The following ITSN1 variants were observed in gnomAD, a reference collection of about 807,000 sequenced individuals.
ITSN1 encodes intersectin-1.
A neutral mutation model predicts 239.8 loss-of-function variants in ITSN1; 58 were observed. That is an observed-to-expected ratio of 0.24 (90% CI 0.20 to 0.30). The LOEUF (loss-of-function observed/expected upper bound fraction) is 0.30, where lower values mean the gene tolerates loss of function less well. Ranked by LOEUF, ITSN1 falls within the 10% of genes least tolerant of loss-of-function variation. ITSN1 has a pLI of 1.00. For missense variants in ITSN1, 1,558 were observed against 2,103.3 expected (o/e 0.74, Z 5.07); for synonymous variants, 780 against 770.8 (o/e 1.01, Z -0.20).
At chr21:33,785,214 A>G (rs1293154751) in intron 16 of ITSN1, among the ~76,000 whole-genome samples, 1 of 152,228 alleles carries the variant, frequency 6.6e-6, no homozygotes, top group African/African-American at 2.4e-5. Flanking sequence ...TACTAAATCT[A>G]TATTAAGTGG....
chr21:33,682,319 G>C (rs192214650), intron 1 of ITSN1, among the ~76,000 whole-genome samples: 83 of 151,016 alleles, frequency 5.5e-4, no homozygotes, highest in African/African-American at 1.8e-3. Flanking sequence ...AGGTTCAAGC[G>C]ATTCTCGCTT....
intron 31 of ITSN1, among the ~76,000 whole-genome samples, chr21:33,860,862 C>T (rs1161283869): frequency 1.3e-5 from 2 of 152,182 alleles, no homozygotes; most frequent in African/African-American, 2.4e-5. Flanking sequence ...AGTCATGGTG[C>T]TTGTCCTGCC....
At chr21:33,795,041 T>C (rs981320230) in intron 17 of ITSN1, among the ~76,000 whole-genome samples, 2 of 152,238 alleles carry the variant, frequency 1.3e-5, no homozygotes, top group African/African-American at 4.8e-5. Flanking sequence ...GAAATTTGTG[T>C]CTGATTTTGT....
At chr21:33,644,624 T>C (rs2146030655) in intron 1 of ITSN1, among the ~76,000 whole-genome samples, 1 of 152,190 alleles carries the variant, frequency 6.6e-6, no homozygotes, top group African/African-American at 2.4e-5. Flanking sequence ...GGTAGCAAGT[T>C]AGTTCTGTGA....
intron 31 of ITSN1, among the ~76,000 whole-genome samples, chr21:33,859,571 C>T (rs1980069584): frequency 6.7e-6 from 1 of 149,656 alleles, no homozygotes. Flanking sequence ...GAAGGGCCAC[C>T]CACTTCCTGG....
intron 1 of ITSN1, among the ~76,000 whole-genome samples, chr21:33,688,877 C>T (rs1220644830): frequency 6.6e-6 from 1 of 150,774 alleles, no homozygotes; most frequent in Non-Finnish European, 1.5e-5. Context: ...TGCAGTGGTG[C>T]AGTGGCACGA....
In ITSN1 at chr21:33,735,213, GA is replaced by G; in HGVS notation, c.346+13del. ...TAGCGCACCAGCATTTGGTAAGTCT[GA>G]AAATGAATTGGTTTCTGTATTTTCT... On this transcript the variant is annotated intron_variant, in intron 5 of 39. Transcript: ENST00000381318. 3 of 1,610,526 alleles carry G rather than the reference GA, an allele frequency of 1.9e-6. No homozygotes were observed. Among genetic ancestry groups the G allele is most frequent in the Non-Finnish European group, 2.5e-6 (3 of 1,178,396 alleles).
chr21:33,700,951 C>CTGTG (rs72389168), intron 1 of ITSN1, among the ~76,000 whole-genome samples: 21,867 of 141,620 alleles, frequency 0.15, 1,746 homozygotes, highest in East Asian at 0.29. Context: ...TTTCTTTTTT[C>CTGTG]TGTGTGTGTG....
intron 1 of ITSN1, among the ~76,000 whole-genome samples, chr21:33,658,554 T>C (rs575097702): frequency 5.3e-4 from 80 of 152,338 alleles, no homozygotes; most frequent in Non-Finnish European, 1.0e-3. Flanking sequence ...GGTAAAAATA[T>C]GCTGTTACAA....
At chr21:33,680,940 G>T (rs912660688) in intron 1 of ITSN1, among the ~76,000 whole-genome samples, 1 of 152,184 alleles carries the variant, frequency 6.6e-6, no homozygotes, top group African/African-American at 2.4e-5. Context: ...AAATTATGTT[G>T]TGGTAACAAT....
chr21:33,670,158 A>G lies in ITSN1; in HGVS notation c.-33+27445A>G, dbSNP rs188375993. Among the ~76,000 whole-genome samples the G allele has an allele frequency of 2.5e-3, 378 of 152,288 alleles. 1 individual carries two copies. The highest frequency in any genetic ancestry group is 4.3e-3 in the Non-Finnish European group (290 of 68,026). On this transcript the variant is annotated intron_variant, in intron 1 of 39. Transcript: ENST00000381318. Reference sequence around the variant, plus strand: ...GGTAGGATCACTTGAGCCCAGGACCAGCTTGGACAACATAGTGAGACCTTG... The same window carrying G: ...GGTAGGATCACTTGAGCCCAGGACCGGCTTGGACAACATAGTGAGACCTTG...
At chr21:33,844,906 C>G (rs1412945579) in intron 29 of ITSN1, among the ~76,000 whole-genome samples, 1 of 152,022 alleles carries the variant, frequency 6.6e-6, no homozygotes, top group Non-Finnish European at 1.5e-5. Context: ...CACATCTGCC[C>G]GTCCTGTCCG....
At chr21:33,798,125 TCTCA>T (rs1258085568) in intron 18 of ITSN1, among the ~76,000 whole-genome samples, 4 of 152,342 alleles carry the variant, frequency 2.6e-5, no homozygotes, top group African/African-American at 9.6e-5. Context: ...TGAGACAGTG[TCTCA>T]CTCTGTCGCC....
intron 33 of ITSN1, among the ~76,000 whole-genome samples, chr21:33,868,655 C>A (rs1322238311): frequency 6.6e-6 from 1 of 152,226 alleles, no homozygotes; most frequent in Non-Finnish European, 1.5e-5. Context: ...CTCCAGCTGG[C>A]CCGCAAGCGC....
At chr21:33,664,229 T>C (rs1007430) in intron 1 of ITSN1, among the ~76,000 whole-genome samples, 148,772 of 152,318 alleles carry the variant, frequency 0.98, 72,668 homozygotes, top group East Asian at 1. Flanking sequence ...CAGGTTGCTT[T>C]CACTCAGTGT....
At chr21:33,644,775 C>A (rs1314324668) in intron 1 of ITSN1, among the ~76,000 whole-genome samples, 1 of 151,632 alleles carries the variant, frequency 6.6e-6, no homozygotes, top group Admixed American at 6.6e-5. Context: ...CTGGGACAAA[C>A]TATCAAGCCT....
At chr21:33,852,681 T>C (rs1318004486) in intron 29 of ITSN1, among the ~76,000 whole-genome samples, 1 of 152,234 alleles carries the variant, frequency 6.6e-6, no homozygotes, top group African/African-American at 2.4e-5. Context: ...TGGGCTATAA[T>C]AGGGGATCAT....
At chr21:33,705,861 T>C (rs2092231810) in intron 1 of ITSN1, among the ~76,000 whole-genome samples, 1 of 152,212 alleles carries the variant, frequency 6.6e-6, no homozygotes, top group African/African-American at 2.4e-5. Context: ...TAAATTGATG[T>C]TTCATTTTGA....
intron 29 of ITSN1, among the ~76,000 whole-genome samples, chr21:33,843,424 C>T (rs1306093646): frequency 6.6e-6 from 1 of 152,174 alleles, no homozygotes; most frequent in Non-Finnish European, 1.5e-5. Context: ...AGCCCTTTGT[C>T]CTTCTCTCCT....
Sources: allele counts gnomAD v4.1 joint callset (sites outside exome capture counted in the v4.1 genomes callset), GRCh38; gene constraint gnomAD v4.1.1; transcripts MANE v1.5; gene names NCBI Gene and HGNC (gene_info 2026-07-23, HGNC 2026-07-21).